Variants in FAT4 observed in about 807,000 individuals in gnomAD.
FAT4 encodes protocadherin Fat 4.
A neutral mutation model predicts 303.9 loss-of-function variants in FAT4; 84 were observed. The ratio of observed to expected loss-of-function variants is 0.28; its 90% CI spans 0.23 to 0.33. FAT4 has a LOEUF of 0.33. Ranked by LOEUF, FAT4 falls within the 10% of genes least tolerant of loss-of-function variation. The pLI is 1.00. For synonymous variants in FAT4, 2,307 were observed against 2,298.8 expected (o/e 1.00, Z -0.10); for missense variants, 6,005 against 6,146.8 (o/e 0.98, Z 0.77).
chr4:125,476,070 A>C, intron 12 of FAT4, 101 bp from the exon 13 acceptor site: 1 of 549,564 alleles, frequency 1.8e-6, no homozygotes, highest in East Asian at 3.0e-5. Flanking sequence ...ATAGTTTCTA[A>C]GTCATGTTCA....
At chr4:125,357,449 G>A (rs1046265017) in intron 2 of FAT4, among the ~76,000 whole-genome samples, 3 of 152,000 alleles carry the variant, frequency 2.0e-5, no homozygotes, top group East Asian at 3.9e-4. Flanking sequence ...TAGATTATTC[G>A]GGTACTTTAA....
chr4:125,471,761 G>T (rs565422789), intron 12 of FAT4, among the ~76,000 whole-genome samples: 1 of 151,584 alleles, frequency 6.6e-6, no homozygotes. Flanking sequence ...TAAAAGTGTA[G>T]TTACTGGTGG....
chr4:125,491,835 G>C lies in FAT4; in HGVS notation c.*67G>C. ...ATACTCAAACCATTGTAAAGTTGCT[G>C]ACTAGGTTGGGTCACATTTGAAAAA... On this transcript the variant is annotated 3_prime_UTR_variant, in exon 18 of 18. Coordinates refer to ENST00000394329, the MANE Select transcript of FAT4 (RefSeq NM_001291303.3). 1 of 1,463,968 alleles carries C rather than the reference G, an allele frequency of 6.8e-7. No homozygotes were observed. Among genetic ancestry groups the C allele is most frequent in the Non-Finnish European group, 9.1e-7 (1 of 1,101,032 alleles). 90.7% of individuals were successfully genotyped at this position (1,463,968 alleles called of 1,614,324 possible).
intron 17 of FAT4, among the ~76,000 whole-genome samples, chr4:125,489,582 A>G (rs1423684451): frequency 2.0e-5 from 3 of 152,264 alleles, no homozygotes; most frequent in East Asian, 1.9e-4. Context: ...GTAAAAAGGA[A>G]GGAAATTGAT....
chr4:125,446,509 A>T lies in FAT4; in HGVS notation c.7416A>T (p.Pro2472=), dbSNP rs1354476033. The T allele has an allele frequency of 9.3e-6, 15 of 1,613,070 alleles. No individual in the cohort carries two copies. The highest frequency in any genetic ancestry group is 1.2e-5 in the Non-Finnish European group (14 of 1,179,288). ...ATCCACCAAGATTTCAGCATCACCCATATGTCACTCACATCCCATCTCCTA... is the reference window on the plus strand; with the variant it reads ...ATCCACCAAGATTTCAGCATCACCCTTATGTCACTCACATCCCATCTCCTA... ...NDNPPRFQHH[P]YVTHIPSPTL... is the part of the protein sequence containing the mutation. Residue 2472 remains proline, a synonymous_variant, in exon 9 of 18, where the codon CCA becomes CCT. Coordinates refer to ENST00000394329, the MANE Select transcript of FAT4 (RefSeq NM_001291303.3).
Position 125,317,365 on chromosome 4 carries a change from A to T in FAT4, c.954A>T (p.Gln318His), listed in dbSNP as rs1730659251. ...CCCTGGACTTCGAAGCTCGGCGCCA[A>T]TACTCGCTTACGGTGCAGGCGATGG... ...REPLDFEARR[Q>H]YSLTVQAMDR... Residue 318 changes from glutamine to histidine, a missense_variant, in exon 2 of 18, where the codon CAA becomes CAT. By Grantham distance (24) the Gln-to-His change is conservative. Transcript: ENST00000394329. This position sits in a 1 kb window ranked among gnomAD's most constrained non-coding sequence, Gnocchi z 7.0. The T allele has an allele frequency of 6.2e-7, 1 of 1,613,154 alleles. No homozygotes were observed. Among genetic ancestry groups the T allele is most frequent in the African/African-American group, 1.3e-5 (1 of 74,934 alleles).
intron 5 of FAT4, among the ~76,000 whole-genome samples, chr4:125,412,259 A>C (rs1734877528): frequency 6.6e-6 from 1 of 151,856 alleles, no homozygotes; most frequent in South Asian, 2.1e-4. Context: ...TAGACTTGTC[A>C]GAAATGAAAA....
At chr4:125,398,245 G>A (rs1734255192) in intron 2 of FAT4, among the ~76,000 whole-genome samples, 1 of 152,132 alleles carries the variant, frequency 6.6e-6, no homozygotes, top group Non-Finnish European at 1.5e-5. Context: ...GCTGATACGA[G>A]TGGAAATAGA....
intron 10 of FAT4, among the ~76,000 whole-genome samples, chr4:125,459,650 G>A (rs1726415504): frequency 6.6e-6 from 1 of 152,028 alleles, no homozygotes; most frequent in South Asian, 2.1e-4. Context: ...CTTAATGGAA[G>A]GAGGCCTCTT....
At chr4:125,325,994 T>G (rs1237620992) in intron 2 of FAT4, among the ~76,000 whole-genome samples, 1 of 152,064 alleles carries the variant, frequency 6.6e-6, no homozygotes, top group African/African-American at 2.4e-5. Flanking sequence ...CTGGTTTGCA[T>G]GGAGGTCCAT....
At chr4:125,360,149 C>T (rs1426738356) in intron 2 of FAT4, among the ~76,000 whole-genome samples, 1 of 152,080 alleles carries the variant, frequency 6.6e-6, no homozygotes, top group African/African-American at 2.4e-5. Context: ...ATTCTAAAAG[C>T]TCTCATGCCC....
At chr4:125,376,642 G>C (rs1733335626) in intron 2 of FAT4, among the ~76,000 whole-genome samples, 1 of 152,180 alleles carries the variant, frequency 6.6e-6, no homozygotes, top group Admixed American at 6.5e-5. Context: ...GCTCATGCCT[G>C]TAATCCCAGT....
At position 125,490,108 on chromosome 4, in the gene FAT4, A is replaced by T. The variant is rs774943740; in HGVS notation, c.13292A>T (p.Asp4431Val). Residue 4431 changes from aspartate (D) to valine (V), a missense_variant, in exon 18 of 18, where the codon GAC (aspartate) becomes GTC (valine). Transcript: ENST00000394329. ...WYAYRCVPPG[D>V]CASHPCQNGG... is the part of the protein sequence containing the mutation. Reference sequence around the variant, plus strand: ...GCCTACAGGTGTGTCCCTCCTGGGGACTGTGCCTCCCACCCGTGCCAGAAT... The same window carrying T: ...GCCTACAGGTGTGTCCCTCCTGGGGTCTGTGCCTCCCACCCGTGCCAGAAT... 2 of 1,613,680 alleles carry T rather than the reference A, an allele frequency of 1.2e-6. No homozygotes were observed. The highest frequency in any genetic ancestry group is 1.7e-6 in the Non-Finnish European group (2 of 1,179,912).
intron 2 of FAT4, among the ~76,000 whole-genome samples, chr4:125,327,053 A>AT (rs1208140900): frequency 6.6e-6 from 1 of 152,152 alleles, no homozygotes; most frequent in Non-Finnish European, 1.5e-5. Flanking sequence ...ATTTTTATGT[A>AT]TTGTGTAAAA....
At chr4:125,436,919 A>G (rs1725473524) in intron 8 of FAT4, among the ~76,000 whole-genome samples, 1 of 152,058 alleles carries the variant, frequency 6.6e-6, no homozygotes, top group Non-Finnish European at 1.5e-5. Context: ...CAGTGGCACA[A>G]TCTCAGCTCA....
intron 2 of FAT4, among the ~76,000 whole-genome samples, chr4:125,333,624 A>G (rs1731467990): frequency 6.6e-6 from 1 of 152,170 alleles, no homozygotes; most frequent in Non-Finnish European, 1.5e-5. Flanking sequence ...AAATCTAACT[A>G]GAGAGGTTTT....
Position 125,450,890 on chromosome 4 carries a change from A to C in FAT4, c.9880A>C (p.Asn3294His). ...TGTTAATATACAATTAAAAGGGACA[A>C]ATGAATATGTGCCCCGTTTTGTTTC... is the stretch of plus-strand genomic sequence containing the variant. ...ATVNIQLKGTNEYVPRFVSKL... is the reference protein window; with the variant it reads ...ATVNIQLKGTHEYVPRFVSKL... Residue 3294 changes from asparagine (N) to histidine (H), a missense_variant, in exon 10 of 18, where the codon AAT becomes CAT. Transcript: ENST00000394329. 6.2e-7 allele frequency: 1 copy of C among 1,614,152 alleles called. No individual in the cohort carries two copies. Among genetic ancestry groups the C allele is most frequent in the Non-Finnish European group, 8.5e-7 (1 of 1,180,010 alleles).
intron 2 of FAT4, among the ~76,000 whole-genome samples, chr4:125,342,851 T>G (rs1731850784): frequency 6.6e-6 from 1 of 152,068 alleles, no homozygotes; most frequent in African/African-American, 2.4e-5. Context: ...TTTTATTTCT[T>G]AGTTATTGCA....
chr4:125,419,705 C>T (rs1735212480), intron 7 of FAT4, among the ~76,000 whole-genome samples: 1 of 152,140 alleles, frequency 6.6e-6, no homozygotes, highest in African/African-American at 2.4e-5. Flanking sequence ...CACCAGCTGC[C>T]ACCTTTATTT....
Sources: allele counts gnomAD v4.1 joint callset (sites outside exome capture counted in the v4.1 genomes callset), GRCh38; gene constraint gnomAD v4.1.1; non-coding constraint Gnocchi (gnomAD v3.1); transcripts MANE v1.5; gene names NCBI Gene and HGNC (gene_info 2026-07-23, HGNC 2026-07-21).